The following PDGFB variants were observed in gnomAD, a reference collection of about 807,000 sequenced individuals.
The protein encoded by PDGFB is platelet derived growth factor subunit B.
PDGFB carries 6 observed loss-of-function variants against 29.0 expected under a neutral mutation model. The observed-to-expected ratio is 0.21, with a 90% CI of 0.11 to 0.41. The LOEUF (loss-of-function observed/expected upper bound fraction) is 0.41. Ranked by LOEUF, PDGFB falls within the 10% of genes least tolerant of loss-of-function variation. PDGFB has a pLI of 1.00. For synonymous variants in PDGFB, 144 were observed against 140.8 expected, an observed-to-expected ratio of 1.02 and a Z score of -0.16; for missense variants, 299 against 341.8, an observed-to-expected ratio of 0.87 and a Z score of 0.99.
rs141759813 is a variant in PDGFB, at chr22:39,225,830, G to A, written c.619C>T (p.Arg207Trp). The A allele has an allele frequency of 1.5e-5, 24 of 1,612,936 alleles. No homozygotes were observed. The highest frequency in any genetic ancestry group is 1.7e-4 in the Middle Eastern group (1 of 6,052). ...ACTCGCACCGTCCGAATGGTCACCC[G>A]AGTTTGGGGCGTTTTGGCTGCACAA... ...QEQRAKTPQTRVTIRTVRVRR... is the reference protein window; with the variant it reads ...QEQRAKTPQTWVTIRTVRVRR... The change falls in exon 6 of 7, where the codon CGG (arginine) becomes TGG (tryptophan). Residue 207 changes from arginine to tryptophan, a missense_variant. Physicochemically the swap from Arg to Trp is moderately radical, Grantham distance 101. Transcript: ENST00000331163.
Position 39,243,879 on chromosome 22 carries a change from C to T in PDGFB, c.63+22G>A, listed in dbSNP as rs771056366. 35 of 1,590,890 alleles carry T rather than the reference C, an allele frequency of 2.2e-5. No homozygotes were observed. In the East Asian group the frequency reaches 6.2e-4, roughly 28 times the overall value. On this transcript the variant is annotated intron_variant, in intron 1 of 6. Coordinates refer to ENST00000331163, the MANE Select transcript of PDGFB (RefSeq NM_002608.4). The surrounding 1 kb of genome is among the most constrained non-coding windows in gnomAD (Gnocchi z 6.4). ...CGAAGGTAATGAATGAAGAACCAGC[C>T]CCAGCCGCCGTGGCAACTCACCTCG...
intron 2 of PDGFB, 99 bp from the exon 3 acceptor site, chr22:39,233,623 C>A (rs1032660399): frequency 1.1e-5 from 8 of 729,236 alleles, no homozygotes; most frequent in African/African-American, 1.1e-4. Context: ...GCCTCTCCCC[C>A]ACTCCAGAGA....
Position 39,243,873 on chromosome 22 carries a change from A to G in PDGFB, c.63+28T>C. The G allele has an allele frequency of 6.3e-7, 1 of 1,583,092 alleles. No homozygotes were observed. Among genetic ancestry groups the G allele is most frequent in the South Asian group, 1.1e-5 (1 of 87,696 alleles). On this transcript the variant is annotated intron_variant, in intron 1 of 6. Transcript: ENST00000331163. This position sits in a 1 kb window ranked among gnomAD's most constrained non-coding sequence, Gnocchi z 6.4. ...GGGGGGCGAAGGTAATGAATGAAGA[A>G]CCAGCCCCAGCCGCCGTGGCAACTC...
chr22:39,230,125 C>T lies in PDGFB; in HGVS notation c.560G>A (p.Arg187Gln), dbSNP rs146204796. 2.5e-5 allele frequency: 40 copies of T among 1,613,880 alleles called. No homozygotes were observed. In the African/African-American group the frequency reaches 3.9e-4, roughly 16 times the overall value. Reference sequence around the variant, plus strand: ...ACCCCCCGGGCTTCGGGTCACAGGCCGTGCAGCTGCCACTGTCTCACACTT... The same window carrying T: ...ACCCCCCGGGCTTCGGGTCACAGGCTGTGCAGCTGCCACTGTCTCACACTT... ...ACKCETVAAA[R>Q]PVTRSPGGSQ... Residue 187 changes from arginine to glutamine, a missense_variant, in exon 5 of 7, where the codon CGG becomes CAG. Arg to Gln is a conservative substitution (Grantham distance 43). Transcript: ENST00000331163.
chr22:39,239,250 G>A (rs1282176897), intron 1 of PDGFB, among the ~76,000 whole-genome samples: 1 of 152,142 alleles, frequency 6.6e-6, no homozygotes, highest in African/African-American at 2.4e-5. Flanking sequence ...GGACATTTTT[G>A]AGGATGACAA....
chr22:39,242,565 G>GC lies in PDGFB; in HGVS notation c.63+1335dup, dbSNP rs937409330. Among the ~76,000 whole-genome samples the GC allele has an allele frequency of 1.3e-5, 2 of 150,918 alleles. No homozygotes were observed. Among genetic ancestry groups the GC allele is most frequent in the African/African-American group, 4.8e-5 (2 of 41,260 alleles). On this transcript the variant is annotated intron_variant, in intron 1 of 6. Coordinates refer to ENST00000331163, the MANE Select transcript of PDGFB (RefSeq NM_002608.4). This position sits in a 1 kb window ranked among gnomAD's most constrained non-coding sequence, Gnocchi z 5.7. ...CCCTCCCGGGTGCGGGCCGCGGGGG[G>GC]CGGCCGCGGAAGGGCGGGGCCCCCG... is the stretch of plus-strand genomic sequence containing the variant.
At chr22:39,239,513 G>A (rs915633837) in intron 1 of PDGFB, among the ~76,000 whole-genome samples, 10 of 152,186 alleles carry the variant, frequency 6.6e-5, no homozygotes, top group African/African-American at 2.4e-4. Context: ...CTTGGTATGG[G>A]AAGGTGAGCC....
intron 3 of PDGFB, 62 bp downstream of exon 3, chr22:39,233,373 C>CG: frequency 7.7e-7 from 1 of 1,302,986 alleles, no homozygotes; most frequent in Non-Finnish European, 1.1e-6. Flanking sequence ...TGCCCGCCCC[C>CG]GTTCTCTTTC....
At chr22:39,241,291 G>A (rs1481945836) in intron 1 of PDGFB, among the ~76,000 whole-genome samples, 3 of 152,196 alleles carry the variant, frequency 2.0e-5, no homozygotes, top group Non-Finnish European at 2.9e-5. Flanking sequence ...CGACCAGGAC[G>A]TGGACAGCTC....
intron 2 of PDGFB, among the ~76,000 whole-genome samples, 191 bp from the exon 3 acceptor site, chr22:39,233,715 C>T (rs1159951531): frequency 6.6e-6 from 1 of 152,220 alleles, no homozygotes; most frequent in East Asian, 1.9e-4. Flanking sequence ...AGGACAGCTG[C>T]AGGCCCAGGA....
In PDGFB at chr22:39,231,072, T is replaced by C. The variant is rs117246316; in HGVS notation, c.456+550A>G. Among the ~76,000 whole-genome samples the C allele has an allele frequency of 5.8e-3, 885 of 152,354 alleles. No individual in the cohort carries two copies. Among genetic ancestry groups the C allele is most frequent in the Non-Finnish European group, 8.8e-3 (599 of 68,030 alleles). On this transcript the variant is annotated intron_variant, in intron 4 of 6. Transcript: ENST00000331163. The surrounding 1 kb of genome is among the most constrained non-coding windows in gnomAD (Gnocchi z 4.3). ...AGCATTCCACTGTTGTCAGGGGACC[T>C]GCCCCAGCTCCGCAGTGTCTATCAC...
rs4821874 is a variant in PDGFB, at chr22:39,230,370, A to C, written c.457-142T>G. The C allele has an allele frequency of 0.74, 564,183 of 760,490 alleles. 210,932 individuals carry two copies. The highest frequency in any genetic ancestry group is 0.91 in the East Asian group (34,182 of 37,746). 47.1% of individuals were successfully genotyped at this position (760,490 alleles called of 1,614,324 possible). A position where few individuals can be genotyped will look rare whatever the true frequency, so the allele number is the denominator to read the frequency against. On this transcript the variant is annotated intron_variant, in intron 4 of 6. Coordinates refer to ENST00000331163, the MANE Select transcript of PDGFB (RefSeq NM_002608.4). ...CCCGGAGAGCAGGCTGTGGGGCAAA[A>C]GCTTTGGCCCAAACAATAGCAGGAC...
intron 1 of PDGFB, among the ~76,000 whole-genome samples, chr22:39,240,197 G>A (rs1441173784): frequency 1.3e-5 from 2 of 151,990 alleles, no homozygotes; most frequent in African/African-American, 4.8e-5. Context: ...AGGAGCAGAG[G>A]AAAATTAAAG....
In PDGFB at chr22:39,243,160, C is replaced by T. The variant is rs375212922; in HGVS notation, c.63+741G>A. 6 of 233,100 alleles carry T rather than the reference C, an allele frequency of 2.6e-5. No individual in the cohort carries two copies. Among genetic ancestry groups the T allele is most frequent in the Middle Eastern group, 1.2e-3 (1 of 808 alleles). 14.4% of individuals were successfully genotyped at this position (233,100 alleles called of 1,614,324 possible). On this transcript the variant is annotated intron_variant, in intron 1 of 6. Coordinates refer to ENST00000331163, the MANE Select transcript of PDGFB (RefSeq NM_002608.4). The surrounding 1 kb of genome is among the most constrained non-coding windows in gnomAD (Gnocchi z 6.4). ...ACACAGCGCCCCGGGGGCTGGATTCCTTCAGAGCCCCTAGTCCTCCCCCTA... is the reference window on the plus strand; with the variant it reads ...ACACAGCGCCCCGGGGGCTGGATTCTTTCAGAGCCCCTAGTCCTCCCCCTA...
rs1300280815 is a variant in PDGFB, at chr22:39,223,399, A to G, written c.*1943T>C. 1 of 152,248 alleles carries G rather than the reference A, an allele frequency of 6.6e-6. No homozygotes were observed. The highest frequency in any genetic ancestry group is 1.5e-5 in the Non-Finnish European group (1 of 68,070). The allele number at this position is 152,248 out of a possible 1,614,324, so 9.4% of individuals were successfully genotyped here. A position where few individuals can be genotyped will look rare whatever the true frequency, so the allele number is the denominator to read the frequency against. On this transcript the variant is annotated 3_prime_UTR_variant, in exon 7 of 7. Coordinates refer to ENST00000331163, the MANE Select transcript of PDGFB (RefSeq NM_002608.4). ...TCTCGTCACTGCCAGAGACACGCACAAGTCCACGTGTCAGGAGCTGTGCCA... is the reference window on the plus strand; with the variant it reads ...TCTCGTCACTGCCAGAGACACGCACGAGTCCACGTGTCAGGAGCTGTGCCA...
intron 2 of PDGFB, 40 bp from the exon 3 acceptor site, chr22:39,233,564 C>T: frequency 6.8e-7 from 1 of 1,475,682 alleles, no homozygotes; most frequent in South Asian, 1.2e-5. Flanking sequence ...GCGGCCCCAC[C>T]TTGGGCAGGG....
rs2146439176 is a variant in PDGFB at position 39,231,684 on chromosome 22, C to T, written c.394G>A (p.Gly132Ser). ...PPCVEVQRCSGCCNNRNVQCR... is the reference protein window; with the variant it reads ...PPCVEVQRCSSCCNNRNVQCR... ...TGCACGTTGCGGTTGTTGCAGCAGC[C>T]GGAGCAGCGCTGCACCTCCACACAG... The change falls in exon 4 of 7, where the codon GGC becomes AGC. Residue 132 changes from glycine to serine, a missense_variant. By Grantham distance (56) the Gly-to-Ser change is moderately conservative. Transcript: ENST00000331163. The surrounding 1 kb of genome is among the most constrained non-coding windows in gnomAD (Gnocchi z 4.3). 1 of 1,600,480 alleles carries T rather than the reference C, an allele frequency of 6.2e-7. No homozygotes were observed. The highest frequency in any genetic ancestry group is 8.5e-7 in the Non-Finnish European group (1 of 1,174,458).
At chr22:39,236,855 G>A (rs1239754948) in intron 1 of PDGFB, among the ~76,000 whole-genome samples, 3 of 152,160 alleles carry the variant, frequency 2.0e-5, no homozygotes, top group Admixed American at 1.3e-4. Context: ...GGACTTCCAC[G>A]TGTGCAAACA....
At chr22:39,230,372 C>T in intron 4 of PDGFB, 144 bp from the exon 5 acceptor site, 1 of 746,752 alleles carries the variant, frequency 1.3e-6, no homozygotes, top group African/African-American at 1.8e-5. Context: ...GGGGCAAAAG[C>T]TTTGGCCCAA....
Sources: allele counts gnomAD v4.1 joint callset (sites outside exome capture counted in the v4.1 genomes callset), GRCh38; gene constraint gnomAD v4.1.1; non-coding constraint Gnocchi (gnomAD v3.1); transcripts MANE v1.5; gene names NCBI Gene and HGNC (gene_info 2026-07-23, HGNC 2026-07-21).